The following DNA2 variants were observed in gnomAD, a reference collection of about 807,000 sequenced individuals.
DNA2 encodes the protein DNA replication helicase/nuclease 2.
A neutral mutation model predicts 119.1 loss-of-function variants in DNA2; 101 were observed. The observed-to-expected ratio is 0.85, with a 90% CI of 0.72 to 1.00. DNA2 has a LOEUF of 1.00. Among genes scored for constraint, DNA2 ranks in the 50% least tolerant of loss-of-function variants. DNA2 has a pLI of 0.00. For missense variants in DNA2, 1,121 were observed against 1,255.5 expected, an observed-to-expected ratio of 0.89 and a Z score of 1.62; for synonymous variants, 366 against 424.4, an observed-to-expected ratio of 0.86 and a Z score of 1.69.
chr10:68,426,084 C>G (rs1329622961), intron 14 of DNA2, among the ~76,000 whole-genome samples: 7 of 151,700 alleles, frequency 4.6e-5, no homozygotes, highest in Non-Finnish European at 8.8e-5. Context: ...TACAGAGAGC[C>G]AAGATCGGGC....
intron 1 of DNA2, 73 bp downstream of exon 1, chr10:68,471,718 C>T (rs1042953743): frequency 6.8e-7 from 1 of 1,468,922 alleles, no homozygotes; most frequent in Non-Finnish European, 9.0e-7. Context: ...TGAGGCGGTG[C>T]GGACGCAGCC....
At chr10:68,435,733 C>T (rs181317593) in intron 10 of DNA2, among the ~76,000 whole-genome samples, 1 of 151,962 alleles carries the variant, frequency 6.6e-6, no homozygotes, top group Admixed American at 6.6e-5. Flanking sequence ...GGATTACAGA[C>T]GTGAGCCACC....
intron 10 of DNA2, chr10:68,436,746 TAC>T: frequency 3.4e-6 from 1 of 296,938 alleles, no homozygotes. Flanking sequence ...TGGGCAAATC[TAC>T]AGAGACAGAA....
intron 5 of DNA2, among the ~76,000 whole-genome samples, chr10:68,454,532 G>A (rs1379766668): frequency 1.3e-5 from 2 of 152,112 alleles, no homozygotes; most frequent in Non-Finnish European, 2.9e-5. Context: ...GCAGCTGGGC[G>A]CAGTGGCTCA....
chr10:68,457,088 C>T (rs368194193), intron 5 of DNA2, among the ~76,000 whole-genome samples: 8 of 150,780 alleles, frequency 5.3e-5, no homozygotes, highest in East Asian at 2.0e-4. Context: ...GAGCCAAGAT[C>T]GCGCCACTGC....
At chr10:68,471,731 T>A in intron 1 of DNA2, 60 bp downstream of exon 1, 2 of 1,497,652 alleles carry the variant, frequency 1.3e-6, no homozygotes, top group Non-Finnish European at 1.8e-6. Context: ...ACGCAGCCTC[T>A]CCCGCTCCTT....
chr10:68,436,989 A>G, intron 10 of DNA2, 22 bp downstream of exon 10: 1 of 1,553,870 alleles, frequency 6.4e-7, no homozygotes, highest in Non-Finnish European at 8.8e-7. Context: ...AGCTGTTATC[A>G]AAAAAAGTAA....
chr10:68,434,578 G>A (rs1394033194), intron 10 of DNA2, among the ~76,000 whole-genome samples: 1 of 152,006 alleles, frequency 6.6e-6, no homozygotes, highest in Non-Finnish European at 1.5e-5. Context: ...CTTGATCCCA[G>A]GAAGTCCAGG....
rs2051677362 is a variant in DNA2, at chr10:68,422,373, G to A, written c.2549C>T (p.Ser850Leu). Residue 850 changes from serine (S) to leucine (L), a missense_variant, in exon 17 of 21, where the codon TCA (serine) becomes TTA (leucine). Physicochemically the swap from Ser to Leu is moderately radical, Grantham distance 145. Coordinates refer to ENST00000358410, the MANE Select transcript of DNA2 (RefSeq NM_001080449.3). ...TATCACTGCATTGGCCACTTTGTCT[G>A]ATCCACACTCCAGCTTGCCCTCATA... is the stretch of plus-strand genomic sequence containing the variant. The part of the protein sequence containing the change: ...LTYEGKLECG[S>L]DKVANAVINL... The A allele has an allele frequency of 7.4e-6, 12 of 1,613,916 alleles. No individual in the cohort carries two copies. The highest frequency in any genetic ancestry group is 1.0e-5 in the Non-Finnish European group (12 of 1,179,886).
chr10:68,432,352 A>G, intron 11 of DNA2, 37 bp from the exon 12 acceptor site: 2 of 1,558,516 alleles, frequency 1.3e-6, no homozygotes, highest in Non-Finnish European at 1.8e-6. Context: ...AATATTCCTT[A>G]GAAAAGTGGA....
At chr10:68,446,909 A>AT (rs1491229562) in intron 6 of DNA2, among the ~76,000 whole-genome samples, 4 of 151,650 alleles carry the variant, frequency 2.6e-5, no homozygotes, top group Non-Finnish European at 4.4e-5. Context: ...ACAAAAAAAA[A>AT]GAGTAATGAA....
At chr10:68,438,490 G>A (rs1564885278) in intron 9 of DNA2, among the ~76,000 whole-genome samples, 1 of 144,528 alleles carries the variant, frequency 6.9e-6, no homozygotes, top group Non-Finnish European at 1.5e-5. Context: ...TTGCACTCCA[G>A]CCTAGGCAAC....
At chr10:68,439,030 C>G (rs1457434999) in intron 9 of DNA2, among the ~76,000 whole-genome samples, 1 of 82,592 alleles carries the variant, frequency 1.2e-5, no homozygotes, top group Non-Finnish European at 2.2e-5. Flanking sequence ...AAGAATCTGT[C>G]CAAAAAAAAA....
At chr10:68,455,717 G>A (rs10998188) in intron 5 of DNA2, among the ~76,000 whole-genome samples, 20,828 of 150,844 alleles carry the variant, frequency 0.14, 2,038 homozygotes, top group African/African-American at 0.27. Flanking sequence ...GCTACTCAGG[G>A]GGCTGTGTCA....
chr10:68,454,485 T>C (rs991102266), intron 5 of DNA2, among the ~76,000 whole-genome samples: 2 of 151,578 alleles, frequency 1.3e-5, no homozygotes, highest in Non-Finnish European at 2.9e-5. Context: ...CCAAAAAAAC[T>C]ACAAAAATAG....
chr10:68,422,539 A>G lies in DNA2; in HGVS notation c.2468T>C (p.Leu823Ser), dbSNP rs752403785. The G allele has an allele frequency of 1.2e-6, 2 of 1,614,034 alleles. No homozygotes were observed. Among genetic ancestry groups the G allele is most frequent in the South Asian group, 2.2e-5 (2 of 91,084 alleles). The change falls in exon 16 of 21, where the codon TTA becomes TCA. Residue 823 changes from leucine (L) to serine (S), a missense_variant. Physicochemically the swap from Leu to Ser is moderately radical, Grantham distance 145. Coordinates refer to ENST00000358410, the MANE Select transcript of DNA2 (RefSeq NM_001080449.3). Reference sequence around the variant, plus strand: ...CCTGTTCATTCTGTACTGCACGGTTAACTGTACAACAGCACTCTTATTCTG... The same window carrying G: ...CCTGTTCATTCTGTACTGCACGGTTGACTGTACAACAGCACTCTTATTCTG... Reference protein sequence around the residue: ...LEQNKSAVVQLTVQYRMNSKI... With the variant: ...LEQNKSAVVQSTVQYRMNSKI...
Position 68,422,506 on chromosome 10 carries a change from T to C in DNA2, c.2492+9A>G. The C allele has an allele frequency of 2.5e-6, 4 of 1,613,758 alleles. No homozygotes were observed. Among genetic ancestry groups the C allele is most frequent in the South Asian group, 1.1e-5 (1 of 91,064 alleles). Reference sequence around the variant, plus strand: ...GAAAACCACTCCTAGCTAACACTGTTACAAATACCTGTTCATTCTGTACTG... The same window carrying C: ...GAAAACCACTCCTAGCTAACACTGTCACAAATACCTGTTCATTCTGTACTG... On this transcript the variant is annotated intron_variant, in intron 16 of 20. Transcript: ENST00000358410.
intron 4 of DNA2, among the ~76,000 whole-genome samples, chr10:68,460,701 C>T (rs1304962709): frequency 6.6e-6 from 1 of 152,088 alleles, no homozygotes; most frequent in East Asian, 1.9e-4. Context: ...AGCCATTGCA[C>T]CTGGCCTAAC....
At chr10:68,465,941 ATT>A (rs1315482227) in intron 3 of DNA2, 129 bp from the exon 4 acceptor site, 1 of 826,856 alleles carries the variant, frequency 1.2e-6, no homozygotes, top group African/African-American at 1.8e-5. Flanking sequence ...TATTAAAAAA[ATT>A]TTTTTCTGGT....
Sources: allele counts gnomAD v4.1 joint callset (sites outside exome capture counted in the v4.1 genomes callset), GRCh38; gene constraint gnomAD v4.1.1; transcripts MANE v1.5; gene names NCBI Gene and HGNC (gene_info 2026-07-23, HGNC 2026-07-21).